Variants in SDK2 observed in about 807,000 individuals in gnomAD.
SDK2 encodes sidekick cell adhesion molecule 2.
In SDK2, 105 loss-of-function variants were observed where a neutral mutation model predicts 253.9. The observed-to-expected ratio is 0.41, with a 90% CI of 0.35 to 0.49. SDK2 has a LOEUF of 0.49. SDK2 is among the 20% of genes least tolerant of loss of function. SDK2 has a pLI of 0.06. For missense variants in SDK2, 2,608 were observed against 3,003.0 expected (o/e 0.87, Z 3.07); for synonymous variants, 1,249 against 1,234.9 (o/e 1.01, Z -0.24).
chr17:73,423,940 G>T lies in SDK2; in HGVS notation c.1736C>A (p.Ser579Tyr). The T allele has an allele frequency of 1.9e-6, 3 of 1,594,108 alleles. No individual in the cohort carries two copies. Among genetic ancestry groups the T allele is most frequent in the Non-Finnish European group, 1.7e-6 (2 of 1,170,696 alleles). ...CCTGACTCGCAGGTGGGCACTGCGA[G>T]AGTCGTTGCCTCCTGCTGAGATCAC... ...CRVISAGGND[S>Y]RSAHLRVRQL... Residue 579 changes from serine (S) to tyrosine (Y), a missense_variant, in exon 13 of 45, where the codon TCT (serine) becomes TAT (tyrosine). Coordinates refer to ENST00000392650, the MANE Select transcript of SDK2 (RefSeq NM_001144952.2).
At chr17:73,353,522 G>A (rs1224118479) in intron 40 of SDK2, among the ~76,000 whole-genome samples, 2 of 152,038 alleles carry the variant, frequency 1.3e-5, no homozygotes, top group Admixed American at 6.6e-5. Context: ...CCGAGTTCAA[G>A]CGATTCTCCT....
chr17:73,638,836 G>T (rs1006666068), intron 1 of SDK2, among the ~76,000 whole-genome samples: 11 of 148,500 alleles, frequency 7.4e-5, no homozygotes, highest in Admixed American at 6.7e-4. Flanking sequence ...ATGAGACAGG[G>T]TCTCGCTCTG....
At chr17:73,637,667 G>A (rs139535413) in intron 1 of SDK2, among the ~76,000 whole-genome samples, 1,946 of 152,294 alleles carry the variant, frequency 0.013, 38 homozygotes, top group African/African-American at 0.043. Context: ...GAGCCACCGC[G>A]CCTGGAGGGG....
chr17:73,524,177 G>C (rs1038443759), intron 1 of SDK2, among the ~76,000 whole-genome samples: 1 of 152,162 alleles, frequency 6.6e-6, no homozygotes, highest in African/African-American at 2.4e-5. Flanking sequence ...AGTTGGGCCT[G>C]AGCTCAGCTA....
At position 73,570,908 on chromosome 17, in the gene SDK2, A is replaced by G. The variant is rs1485380359; in HGVS notation, c.65-63311T>C. Among the ~76,000 whole-genome samples, 2 of 151,590 alleles carry G rather than the reference A, an allele frequency of 1.3e-5. No individual in the cohort carries two copies. The highest frequency in any genetic ancestry group is 1.9e-4 in the East Asian group (1 of 5,162). On this transcript the variant is annotated intron_variant, in intron 1 of 44. Transcript: ENST00000392650. This position sits in a 1 kb window ranked among gnomAD's most constrained non-coding sequence, Gnocchi z 4.2. ...CCCCCTTTAGGGTCTCTGCTCCCCT[A>G]TTCCTCCTCAGCCCACAGCCTGGGG... is the stretch of plus-strand genomic sequence containing the variant.
intron 16 of SDK2, among the ~76,000 whole-genome samples, chr17:73,418,250 C>T (rs2063200378): frequency 6.6e-6 from 1 of 152,206 alleles, no homozygotes; most frequent in African/African-American, 2.4e-5. Flanking sequence ...CCGTGATCCA[C>T]CCGCCTTGGC....
At chr17:73,626,457 T>G (rs544778305) in intron 1 of SDK2, among the ~76,000 whole-genome samples, 1 of 152,250 alleles carries the variant, frequency 6.6e-6, no homozygotes, top group East Asian at 1.9e-4. Context: ...TCCTTCACTT[T>G]GATTTTGGGT....
intron 12 of SDK2, among the ~76,000 whole-genome samples, chr17:73,425,048 T>G (rs533827495): frequency 2.0e-5 from 3 of 152,170 alleles, no homozygotes; most frequent in Non-Finnish European, 4.4e-5. Context: ...GGCAAAACCC[T>G]GTCTCTACTA....
At chr17:73,445,185 A>G (rs2063444735) in intron 5 of SDK2, among the ~76,000 whole-genome samples, 1 of 152,226 alleles carries the variant, frequency 6.6e-6, no homozygotes, top group African/African-American at 2.4e-5. Flanking sequence ...AAGACTTAGT[A>G]TGCAAAAAAC....
chr17:73,448,646 G>A (rs1206869091), intron 4 of SDK2, among the ~76,000 whole-genome samples: 4 of 151,498 alleles, frequency 2.6e-5, no homozygotes, highest in Admixed American at 6.6e-5. Context: ...TTACAGGCGT[G>A]AGCCACTGTG....
intron 10 of SDK2, among the ~76,000 whole-genome samples, chr17:73,432,963 G>A (rs150129887): frequency 6.6e-6 from 1 of 152,270 alleles, no homozygotes; most frequent in African/African-American, 2.4e-5. Flanking sequence ...CCTTAGGGAG[G>A]TGGCTTGGGC....
chr17:73,606,261 C>A (rs1401218364), intron 1 of SDK2, among the ~76,000 whole-genome samples: 2 of 152,082 alleles, frequency 1.3e-5, no homozygotes, highest in Non-Finnish European at 2.9e-5. Context: ...AGAGGCAGCT[C>A]CCTAGGGAAG....
chr17:73,450,549 C>T (rs1455590848), intron 4 of SDK2, among the ~76,000 whole-genome samples: 4 of 152,208 alleles, frequency 2.6e-5, no homozygotes, highest in Non-Finnish European at 5.9e-5. Flanking sequence ...GCACACTGGG[C>T]ACAGCTTGGC....
intron 1 of SDK2, among the ~76,000 whole-genome samples, chr17:73,555,384 C>T (rs1267359236): frequency 5.3e-5 from 8 of 152,218 alleles, no homozygotes; most frequent in African/African-American, 1.9e-4. Context: ...GGGAGTATTC[C>T]TGGCCTGGGG....
chr17:73,449,206 C>G (rs1294514936), intron 4 of SDK2, among the ~76,000 whole-genome samples: 2 of 152,162 alleles, frequency 1.3e-5, no homozygotes, highest in East Asian at 3.8e-4. Flanking sequence ...GAAGCGCCAC[C>G]CACACCGGCT....
chr17:73,388,772 CTCCT>C (rs376691038), intron 29 of SDK2, among the ~76,000 whole-genome samples: 1,078 of 49,370 alleles, frequency 0.022, 40 homozygotes, highest in South Asian at 0.13. Flanking sequence ...TTCCCTCCCT[CTCCT>C]TCCTTCCTTC....
chr17:73,460,833 T>C (rs1327837867), intron 3 of SDK2, among the ~76,000 whole-genome samples: 1 of 152,254 alleles, frequency 6.6e-6, no homozygotes, highest in Non-Finnish European at 1.5e-5. Flanking sequence ...TTTCAGTTCT[T>C]AAAATAATTT....
intron 16 of SDK2, among the ~76,000 whole-genome samples, chr17:73,417,821 G>A (rs1230786944): frequency 2.0e-5 from 3 of 152,102 alleles, no homozygotes; most frequent in African/African-American, 7.2e-5. Flanking sequence ...CACTAAAGAA[G>A]TAAATGTGTA....
rs1012027764 is a variant in SDK2, at chr17:73,379,091, C to G, written c.4980+86G>C. On this transcript the variant is annotated intron_variant, in intron 36 of 44. Transcript: ENST00000392650. The surrounding 1 kb of genome is among the most constrained non-coding windows in gnomAD (Gnocchi z 4.5). ...GATGAATGGAGGGCCTGGGGACCTG[C>G]CTGCCTCCCACATATCACTCACTCC... The G allele has an allele frequency of 1.0e-5, 10 of 996,124 alleles. No homozygotes were observed. The highest frequency in any genetic ancestry group is 3.0e-6 in the Non-Finnish European group (2 of 657,754). 61.7% of individuals were successfully genotyped at this position (996,124 alleles called of 1,614,324 possible).
Sources: allele counts gnomAD v4.1 joint callset (sites outside exome capture counted in the v4.1 genomes callset), GRCh38; gene constraint gnomAD v4.1.1; non-coding constraint Gnocchi (gnomAD v3.1); transcripts MANE v1.5; gene names NCBI Gene and HGNC (gene_info 2026-07-23, HGNC 2026-07-21).